The following FRMD3 variants were observed in gnomAD, a reference collection of about 807,000 sequenced individuals.
The protein encoded by FRMD3 is FERM domain-containing protein 3.
Under a neutral mutation model 70.2 loss-of-function variants are expected in FRMD3, and 33 were observed. The ratio of observed to expected loss-of-function variants is 0.47; its 90% confidence interval spans 0.36 to 0.63. FRMD3 has a LOEUF of 0.63. Among genes scored for constraint, FRMD3 ranks in the 20% least tolerant of loss-of-function variants. The probability of loss-of-function intolerance (pLI) is 0.00; values close to 1 mark genes in which losing one functional copy is unlikely to be tolerated. For missense variants in FRMD3, 632 were observed against 711.4 expected (o/e 0.89, Z 1.27); for synonymous variants, 279 against 255.9 (o/e 1.09, Z -0.86).
At chr9:83,388,124 A>G (rs1825563995) in intron 2 of FRMD3, among the ~76,000 whole-genome samples, 1 of 152,198 alleles carries the variant, frequency 6.6e-6, no homozygotes, top group Non-Finnish European at 1.5e-5. Context: ...GTAATACTTC[A>G]TTGCATCCCT....
intron 3 of FRMD3, among the ~76,000 whole-genome samples, chr9:83,356,056 G>T (rs969350394): frequency 6.6e-6 from 1 of 152,084 alleles, no homozygotes; most frequent in Non-Finnish European, 1.5e-5. Context: ...TGAGAACATG[G>T]AGAGAGGTAC....
chr9:83,557,291 A>G, the FRMD3 span, among the ~76,000 whole-genome samples: 1,242 of 152,374 alleles, frequency 8.2e-3, 20 homozygotes, highest in African/African-American at 0.028. Context: ...ACATTAAATG[A>G]AAAAATTATT....
chr9:83,385,488 T>C (rs1825485463), intron 2 of FRMD3, among the ~76,000 whole-genome samples: 1 of 152,190 alleles, frequency 6.6e-6, no homozygotes. Context: ...GACTCAGTGT[T>C]TCCCATTTCC....
At chr9:83,298,931 T>A in intron 11 of FRMD3, 115 bp from the exon 12 acceptor site, 1 of 1,118,392 alleles carries the variant, frequency 8.9e-7, no homozygotes, top group Admixed American at 1.8e-5. Context: ...ATAGAAATCA[T>A]GAGGGGGAAA....
At chr9:83,440,606 A>T (rs1056957798) in intron 1 of FRMD3, among the ~76,000 whole-genome samples, 1 of 152,172 alleles carries the variant, frequency 6.6e-6, no homozygotes, top group Non-Finnish European at 1.5e-5. Context: ...CCAATTCTTC[A>T]TTTGTTCAGT....
chr9:83,342,708 A>C (rs1010756184), intron 5 of FRMD3, among the ~76,000 whole-genome samples: 4 of 145,380 alleles, frequency 2.8e-5, no homozygotes, highest in Non-Finnish European at 3.1e-5. Flanking sequence ...AGATAGATAG[A>C]TAGATAGATA....
intron 1 of FRMD3, among the ~76,000 whole-genome samples, chr9:83,453,317 G>A (rs1256042663): frequency 1.3e-5 from 2 of 151,992 alleles, no homozygotes; most frequent in African/African-American, 4.8e-5. Context: ...CTATGTCTAC[G>A]CTTTATTATA....
chr9:83,494,833 A>ATGTGTGTGTGTGTG (rs377201441), intron 1 of FRMD3, among the ~76,000 whole-genome samples: 100 of 149,416 alleles, frequency 6.7e-4, no homozygotes, highest in African/African-American at 2.4e-3. Flanking sequence ...CTGTGCATTT[A>ATGTGTGTGTGTGTG]TGTGTGTGTG....
chr9:83,497,366 T>G (rs989555109), intron 1 of FRMD3, among the ~76,000 whole-genome samples: 1 of 152,184 alleles, frequency 6.6e-6, no homozygotes, highest in Non-Finnish European at 1.5e-5. Flanking sequence ...TGAAAATTAC[T>G]GAGAAATAGG....
At chr9:83,401,629 T>C (rs1189399862) in intron 1 of FRMD3, among the ~76,000 whole-genome samples, 1 of 152,226 alleles carries the variant, frequency 6.6e-6, no homozygotes, top group Non-Finnish European at 1.5e-5. Flanking sequence ...GGGAGAATTC[T>C]GCTCCTAATC....
At chr9:83,276,727 G>A (rs928314662) in intron 13 of FRMD3, among the ~76,000 whole-genome samples, 4 of 152,216 alleles carry the variant, frequency 2.6e-5, no homozygotes, top group African/African-American at 9.6e-5. Flanking sequence ...TATACATACT[G>A]AGACAGAGTT....
At chr9:83,429,592 A>G (rs888207991) in intron 1 of FRMD3, among the ~76,000 whole-genome samples, 1 of 152,142 alleles carries the variant, frequency 6.6e-6, no homozygotes, top group Admixed American at 6.5e-5. Flanking sequence ...CCACCTTCTC[A>G]TCATTTAATC....
intron 1 of FRMD3, among the ~76,000 whole-genome samples, chr9:83,481,990 AAAGT>A (rs923744278): frequency 2.0e-5 from 3 of 152,190 alleles, no homozygotes; most frequent in East Asian, 1.9e-4. Context: ...CAACAACAAC[AAAGT>A]AAGTTTACAA....
chr9:83,325,184 G>A (rs749748462), intron 6 of FRMD3, among the ~76,000 whole-genome samples: 5 of 152,164 alleles, frequency 3.3e-5, no homozygotes, highest in African/African-American at 7.2e-5. Flanking sequence ...GAGCGGGTGA[G>A]GGATGAGAAA....
intron 2 of FRMD3, among the ~76,000 whole-genome samples, chr9:83,376,602 G>A (rs2131265984): frequency 6.8e-6 from 1 of 146,646 alleles, no homozygotes; most frequent in Non-Finnish European, 1.5e-5. Context: ...ATTAGATTGT[G>A]CTATATTCCT....
the FRMD3 span, among the ~76,000 whole-genome samples, chr9:83,561,549 A>G: frequency 1.3e-5 from 2 of 152,190 alleles, no homozygotes; most frequent in Non-Finnish European, 2.9e-5. Context: ...TGCAAATCCT[A>G]AACAATTTAT....
chr9:83,349,906 T>G, intron 3 of FRMD3, 149 bp from the exon 4 acceptor site: 4 of 553,742 alleles, frequency 7.2e-6, no homozygotes, highest in Non-Finnish European at 3.2e-6. Flanking sequence ...GCAGATATGA[T>G]GCCCAAGAAA....
chr9:83,481,085 C>T (rs1217885637), intron 1 of FRMD3, among the ~76,000 whole-genome samples: 1 of 152,144 alleles, frequency 6.6e-6, no homozygotes, highest in African/African-American at 2.4e-5. Context: ...ATGATGAACT[C>T]TGAATTATCT....
intron 1 of FRMD3, among the ~76,000 whole-genome samples, chr9:83,417,750 T>C (rs1826497667): frequency 6.6e-6 from 1 of 152,206 alleles, no homozygotes; most frequent in Admixed American, 6.5e-5. Flanking sequence ...AAGAATCTTC[T>C]GTGGGATGCC....
Sources: allele counts gnomAD v4.1 joint callset (sites outside exome capture counted in the v4.1 genomes callset), GRCh38; gene constraint gnomAD v4.1.1; transcripts MANE v1.5; gene names NCBI Gene and HGNC (gene_info 2026-07-23, HGNC 2026-07-21).